The following MAP3K14 variants were observed in gnomAD, a reference collection of about 807,000 sequenced individuals.
MAP3K14 encodes the protein NF-kappa-beta-inducing kinase.
A neutral mutation model predicts 99.2 loss-of-function variants in MAP3K14; 16 were observed. That is an observed-to-expected ratio of 0.16 (90% CI 0.11 to 0.24). The LOEUF is 0.24. Ranked by LOEUF, MAP3K14 falls within the 10% of genes least tolerant of loss-of-function variation. The probability of loss-of-function intolerance (pLI) is 1.00; values close to 1 mark genes in which losing one functional copy is unlikely to be tolerated. For synonymous variants in MAP3K14, 462 were observed against 492.4 expected (o/e 0.94, Z 0.82); for missense variants, 784 against 1,208.7 (o/e 0.65, Z 5.21).
intron 6 of MAP3K14, among the ~76,000 whole-genome samples, chr17:45,277,916 C>G (rs1465492012): frequency 6.6e-6 from 1 of 152,158 alleles, no homozygotes; most frequent in Non-Finnish European, 1.5e-5. Context: ...TATCTGATTT[C>G]AAGGGTTGAG....
intron 1 of MAP3K14, among the ~76,000 whole-genome samples, chr17:45,294,216 C>A (rs905151689): frequency 2.6e-5 from 4 of 152,224 alleles, no homozygotes; most frequent in African/African-American, 9.6e-5. Context: ...GCCAAACCCA[C>A]ATGGCTCACC....
chr17:45,273,905 A>G, intron 8 of MAP3K14: 2 of 669,722 alleles, frequency 3.0e-6, no homozygotes, highest in Non-Finnish European at 2.5e-6. Context: ...TGGGAGCTTG[A>G]CCTTCGGTTC....
chr17:45,315,525 C>A (rs2095579604), intron 1 of MAP3K14, among the ~76,000 whole-genome samples: 1 of 152,162 alleles, frequency 6.6e-6, no homozygotes. Context: ...TCTGGCATCG[C>A]TCCAAAGAAA....
At chr17:45,285,406 A>C (rs907158327) in intron 5 of MAP3K14, among the ~76,000 whole-genome samples, 4 of 152,034 alleles carry the variant, frequency 2.6e-5, no homozygotes, top group Admixed American at 2.6e-4. Context: ...TGGGCAGATC[A>C]CTTGAGGTCA....
At chr17:45,301,013 C>T (rs2044384087) in intron 1 of MAP3K14, among the ~76,000 whole-genome samples, 2 of 151,014 alleles carry the variant, frequency 1.3e-5, no homozygotes, top group South Asian at 4.2e-4. Context: ...CAAAAAAATA[C>T]AAAACTTAGC....
intron 1 of MAP3K14, among the ~76,000 whole-genome samples, chr17:45,304,847 G>T (rs1302265150): frequency 2.0e-5 from 3 of 152,168 alleles, no homozygotes; most frequent in African/African-American, 7.2e-5. Flanking sequence ...GTGTGACCAT[G>T]GGCAGGTCAC....
At chr17:45,307,410 T>G (rs927750437) in intron 1 of MAP3K14, among the ~76,000 whole-genome samples, 1 of 152,048 alleles carries the variant, frequency 6.6e-6, no homozygotes, top group African/African-American at 2.4e-5. Context: ...TTCCAAAGAT[T>G]AGATGGCCAT....
In MAP3K14 at chr17:45,287,264, G is replaced by T; in HGVS notation, c.427C>A (p.Arg143=). 6.2e-7 allele frequency: 1 copy of T among 1,613,984 alleles called. No homozygotes were observed. Among genetic ancestry groups the T allele is most frequent in the Non-Finnish European group, 8.5e-7 (1 of 1,179,896 alleles). The part of the protein sequence containing the change: ...CWKGKRRSKA[R]KKRKKKSSKS... ...GAGCTCTTCTTCTTCCGTTTCTTCC[G>T]GGCTTTGCTGCGACGCTTTCCCTTC... Residue 143 remains arginine, a synonymous_variant, in exon 4 of 16, where the codon CGG becomes AGG. Transcript: ENST00000344686.
At chr17:45,304,132 C>T (rs1368261395) in intron 1 of MAP3K14, among the ~76,000 whole-genome samples, 1 of 151,158 alleles carries the variant, frequency 6.6e-6, no homozygotes, top group African/African-American at 2.4e-5. Context: ...CCTGCCTCAA[C>T]CTTCCGAGTT....
At position 45,287,493 on chromosome 17, in the gene MAP3K14, C is replaced by T. The variant is rs1235848832; in HGVS notation, c.327-129G>A. On this transcript the variant is annotated intron_variant, in intron 3 of 15. Coordinates refer to ENST00000344686, the MANE Select transcript of MAP3K14 (RefSeq NM_003954.5). Reference sequence around the variant, plus strand: ...CAGGTTGCCATTCCTTGTGTGAATGCGGCAAGGTTTCTAAATCCCAAGGAA... The same window carrying T: ...CAGGTTGCCATTCCTTGTGTGAATGTGGCAAGGTTTCTAAATCCCAAGGAA... 7 of 709,808 alleles carry T rather than the reference C, an allele frequency of 9.9e-6. No individual in the cohort carries two copies. The South Asian group carries it at 1.1e-4, about 11-fold the overall frequency. 44.0% of individuals were successfully genotyped at this position (709,808 alleles called of 1,614,324 possible).
chr17:45,264,716 G>A lies in MAP3K14; in HGVS notation c.2764C>T (p.Leu922=), dbSNP rs575745512. 3.7e-6 allele frequency: 6 copies of A among 1,611,254 alleles called. No homozygotes were observed. In the East Asian group the frequency reaches 1.3e-4, roughly 36 times the overall value. ...DMEVPDSGID[L]QCTLAPDGSF... ...CCATCAGGGGCCAGTGTGCACTGCA[G>A]GTCGATGCCCGAGTCTGGCACCTCC... is the stretch of plus-strand genomic sequence containing the variant. The change falls in exon 16 of 16, where the codon CTG becomes TTG. Residue 922 remains leucine, a synonymous_variant. Transcript: ENST00000344686.
rs770208539 is a variant in MAP3K14, at chr17:45,264,807, G to A, written c.2680-7C>T. On this transcript the variant is annotated splice_polypyrimidine_tract_variant and splice_region_variant and intron_variant, in intron 15 of 15. Coordinates refer to ENST00000344686, the MANE Select transcript of MAP3K14 (RefSeq NM_003954.5). ...TGAAGGCTGCAGCTGGGATCTAAGG[G>A]TGGAGCAAACCAGTGGGCTGAGATC... The A allele has an allele frequency of 6.2e-7, 1 of 1,612,554 alleles. No homozygotes were observed. The highest frequency in any genetic ancestry group is 1.1e-5 in the South Asian group (1 of 90,836).
chr17:45,291,375 C>T (rs1449655455), intron 1 of MAP3K14, among the ~76,000 whole-genome samples: 1 of 152,154 alleles, frequency 6.6e-6, no homozygotes, highest in Non-Finnish European at 1.5e-5. Flanking sequence ...TGGTTCCTTG[C>T]CCAATGCGTC....
intron 1 of MAP3K14, among the ~76,000 whole-genome samples, chr17:45,312,319 C>T (rs1332619430): frequency 1.3e-5 from 2 of 152,188 alleles, no homozygotes; most frequent in East Asian, 3.9e-4. Context: ...GCTGCCACGC[C>T]AGGCCTGCTG....
chr17:45,301,833 CTT>C (rs34664244), intron 1 of MAP3K14, among the ~76,000 whole-genome samples: 41 of 134,240 alleles, frequency 3.1e-4, no homozygotes, highest in Admixed American at 3.0e-4. Flanking sequence ...TCTCAGTTCT[CTT>C]TTTTTTTTTT....
At chr17:45,309,898 T>A (rs1480939406) in intron 1 of MAP3K14, among the ~76,000 whole-genome samples, 1 of 152,192 alleles carries the variant, frequency 6.6e-6, no homozygotes, top group Non-Finnish European at 1.5e-5. Context: ...TGCAGGACTC[T>A]GTCCTTCACA....
chr17:45,265,870 C>G (rs2044076681), intron 14 of MAP3K14, among the ~76,000 whole-genome samples: 1 of 152,206 alleles, frequency 6.6e-6, no homozygotes, highest in African/African-American at 2.4e-5. Flanking sequence ...GGGGCTGGCT[C>G]CTATGGGGAA....
At chr17:45,307,033 G>A (rs1226813953) in intron 1 of MAP3K14, among the ~76,000 whole-genome samples, 3 of 152,148 alleles carry the variant, frequency 2.0e-5, no homozygotes, top group African/African-American at 2.4e-5. Context: ...CCAGGCGGGC[G>A]GACTGCCTGA....
intron 1 of MAP3K14, among the ~76,000 whole-genome samples, chr17:45,310,056 C>G (rs991055012): frequency 1.7e-5 from 2 of 119,146 alleles, no homozygotes; most frequent in Non-Finnish European, 1.6e-5. Context: ...TTTTTTGAGA[C>G]GGAGTTTCGC....
Sources: gnomAD v4.1 joint callset for allele counts (sites outside exome capture counted in the v4.1 genomes callset) on GRCh38, gnomAD v4.1.1 for gene constraint, MANE v1.5 for transcripts, NCBI Gene and HGNC (gene_info 2026-07-23, HGNC 2026-07-21) for gene names.